DEPDC1: variants seen among roughly 807,000 people sequenced by gnomAD.
DEPDC1 encodes the protein DEP domain containing 1, also known as DEP domain-containing protein 1A.
DEPDC1 carries 66 observed loss-of-function variants against 86.8 expected under a neutral mutation model. The ratio of observed to expected loss-of-function variants is 0.76; its 90% CI spans 0.62 to 0.93. DEPDC1 has a LOEUF of 0.93. Ranked by LOEUF, DEPDC1 falls within the 40% of genes least tolerant of loss-of-function variation. The probability of loss-of-function intolerance (pLI) is 0.00; values close to 1 mark genes in which losing one functional copy is unlikely to be tolerated. For missense variants in DEPDC1, 792 were observed against 935.7 expected (o/e 0.85, Z 2.00); for synonymous variants, 255 against 314.9 (o/e 0.81, Z 2.02).
In DEPDC1 at chr1:68,496,578, C is replaced by T. The variant is rs76916552; in HGVS notation, c.48+374G>A. ...CCCTACAAAGCTTTGGACCTCATTCCCAATTGTTCCCTAATTCTGAGGCGG... is the reference window on the plus strand; with the variant it reads ...CCCTACAAAGCTTTGGACCTCATTCTCAATTGTTCCCTAATTCTGAGGCGG... On this transcript the variant is annotated intron_variant, in intron 1 of 11. Transcript: ENST00000456315. The surrounding 1 kb of genome is among the most constrained non-coding windows in gnomAD (Gnocchi z 4.0). The T allele has an allele frequency of 0.064, 14,128 of 220,724 alleles. 593 individuals carry two copies. Among genetic ancestry groups the T allele is most frequent in the African/African-American group, 0.13 (5,767 of 44,100 alleles). 13.7% of individuals were successfully genotyped at this position (220,724 alleles called of 1,614,324 possible).
Position 68,477,034 on chromosome 1 carries a change from T to A in DEPDC1, c.2334A>T (p.Arg778Ser). Reference protein sequence around the residue: ...QKEYPLIYQKRFPTTESEAAL... With the variant: ...QKEYPLIYQKSFPTTESEAAL... The stretch of plus-strand genomic sequence containing the variant: ...CTGCTTCACTCTCCGTGGTTGGAAA[T>A]CTTTTCTGATATATCAAAGGATATT... Residue 778 changes from arginine to serine, a missense_variant, in exon 12 of 12, where the codon AGA becomes AGT. Transcript: ENST00000456315. The A allele has an allele frequency of 6.2e-7, 1 of 1,608,414 alleles. No homozygotes were observed. The highest frequency in any genetic ancestry group is 8.5e-7 in the Non-Finnish European group (1 of 1,176,988).
At chr1:68,485,123 C>A (rs914617731) in intron 6 of DEPDC1, among the ~76,000 whole-genome samples, 5 of 151,068 alleles carry the variant, frequency 3.3e-5, no homozygotes, top group Non-Finnish European at 5.9e-5. Flanking sequence ...TATGGACACA[C>A]AAATGTGAGC....
chr1:68,481,906 C>A (rs752668319), intron 8 of DEPDC1, 140 bp downstream of exon 8: 6 of 883,738 alleles, frequency 6.8e-6, no homozygotes, highest in Non-Finnish European at 9.7e-6. Flanking sequence ...GGTTATGTCA[C>A]AGACAAAAGT....
Position 68,489,459 on chromosome 1 carries a change from A to C in DEPDC1, c.464T>G (p.Leu155Ter). ...RRTPKRHGLH[L>*]SQENGEKIKH... ...AGTAAAAGGATGTGTTACCTGAGATAAATGTAATCCATGCCTTTTAGGAGT... is the reference window on the plus strand; with the variant it reads ...AGTAAAAGGATGTGTTACCTGAGATCAATGTAATCCATGCCTTTTAGGAGT... The change falls in exon 3 of 12, where the codon TTA (leucine) becomes TGA (stop). Residue 155 changes from leucine (L) to a stop codon, truncating the protein, a stop_gained. Coordinates refer to ENST00000456315, the MANE Select transcript of DEPDC1 (RefSeq NM_001114120.3). LOFTEE classifies it high-confidence loss of function. 1 of 1,495,316 alleles carries C rather than the reference A, an allele frequency of 6.7e-7. No individual in the cohort carries two copies. The highest frequency in any genetic ancestry group is 2.6e-5 in the East Asian group (1 of 39,080). The allele number at this position is 1,495,316 out of a possible 1,614,324, so 92.6% of individuals were successfully genotyped here. A position where few individuals can be genotyped will look rare whatever the true frequency, so the allele number is the denominator to read the frequency against.
intron 2 of DEPDC1, among the ~76,000 whole-genome samples, chr1:68,491,717 T>C (rs958349654): frequency 3.9e-5 from 6 of 152,188 alleles, no homozygotes; most frequent in South Asian, 2.1e-4. Context: ...AATAAATGTA[T>C]ATAAACAATA....
rs962574042 is a variant in DEPDC1, at chr1:68,489,473, C to A, written c.450G>T (p.Arg150Ser). ...TTACCTGAGATAAATGTAATCCATGCCTTTTAGGAGTTCTACGAGATAAGT... is the reference window on the plus strand; with the variant it reads ...TTACCTGAGATAAATGTAATCCATGACTTTTAGGAGTTCTACGAGATAAGT... The part of the protein sequence containing the change: ...LRNLSRRTPK[R>S]HGLHLSQENG... Residue 150 changes from arginine to serine, a missense_variant, in exon 3 of 12, where the codon AGG (arginine) becomes AGT (serine). By Grantham distance (110) the Arg-to-Ser change is moderately radical (BLOSUM62 -1). Transcript: ENST00000456315. 6.0e-6 allele frequency: 9 copies of A among 1,512,052 alleles called. No homozygotes were observed. Among genetic ancestry groups the A allele is most frequent in the Admixed American group, 2.5e-5 (1 of 39,350 alleles). The allele number at this position is 1,512,052 out of a possible 1,614,324, so 93.7% of individuals were successfully genotyped here. A position where few individuals can be genotyped will look rare whatever the true frequency, so the allele number is the denominator to read the frequency against.
Position 68,496,433 on chromosome 1 carries a change from A to C in DEPDC1, c.48+519T>G, listed in dbSNP as rs1340945968. ...CAGCAGTGGTTACTGATGGGTACTCAGAAATACCGTTTTGAAACAGGCAGC... is the reference window on the plus strand; with the variant it reads ...CAGCAGTGGTTACTGATGGGTACTCCGAAATACCGTTTTGAAACAGGCAGC... On this transcript the variant is annotated intron_variant, in intron 1 of 11. Transcript: ENST00000456315. This position sits in a 1 kb window ranked among gnomAD's most constrained non-coding sequence, Gnocchi z 4.0. Among the ~76,000 whole-genome samples the C allele has an allele frequency of 1.3e-5, 2 of 152,234 alleles. No individual in the cohort carries two copies. Among genetic ancestry groups the C allele is most frequent in the East Asian group, 3.8e-4 (2 of 5,198 alleles).
chr1:68,489,594 G>T lies in DEPDC1; in HGVS notation c.329C>A (p.Ser110Ter), dbSNP rs758246471. The T allele has an allele frequency of 6.5e-7, 1 of 1,532,910 alleles. No individual in the cohort carries two copies. Among genetic ancestry groups the T allele is most frequent in the Non-Finnish European group, 8.7e-7 (1 of 1,151,424 alleles). The allele number at this position is 1,532,910 out of a possible 1,614,324, so 95.0% of individuals were successfully genotyped here. Residue 110 changes from serine (S) to a stop codon, truncating the protein, a stop_gained, in exon 3 of 12, where the codon TCG becomes TAG. Transcript: ENST00000456315. LOFTEE classifies it high-confidence loss of function. Reference protein sequence around the residue: ...NNQLFRFPATSPLKTLPRRYP... With the variant: ...NNQLFRFPAT Reference sequence around the variant, plus strand: ...CCTTCGTGGTAGAGTTTTAAGTGGCGAAGTTGCAGGAAATCTGGTTTAAAA... The same window carrying T: ...CCTTCGTGGTAGAGTTTTAAGTGGCTAAGTTGCAGGAAATCTGGTTTAAAA...
rs1263401544 is a variant in DEPDC1 at position 68,476,144 on chromosome 1, T to C, written c.*788A>G. Reference sequence around the variant, plus strand: ...GTATCTCCCTTGATTAAAAAATAAATACCTTATGGAAGAGATTATATGTTT... The same window carrying C: ...GTATCTCCCTTGATTAAAAAATAAACACCTTATGGAAGAGATTATATGTTT... On this transcript the variant is annotated 3_prime_UTR_variant, in exon 12 of 12. Transcript: ENST00000456315. 6.6e-6 allele frequency: 1 copy of C among 151,832 alleles called. No individual in the cohort carries two copies. Among genetic ancestry groups the C allele is most frequent in the Non-Finnish European group, 1.5e-5 (1 of 67,788 alleles). The allele number at this position is 151,832 out of a possible 1,614,324, so 9.4% of individuals were successfully genotyped here. A position where few individuals can be genotyped will look rare whatever the true frequency, so the allele number is the denominator to read the frequency against.
intron 2 of DEPDC1, 120 bp from the exon 3 acceptor site, chr1:68,489,728 A>G: frequency 1.6e-6 from 1 of 642,756 alleles, no homozygotes; most frequent in Non-Finnish European, 2.5e-6. Flanking sequence ...AGTAATAAAG[A>G]TTCTAGACAA....
intron 8 of DEPDC1, 146 bp downstream of exon 8, chr1:68,481,900 A>ATT: frequency 1.2e-6 from 1 of 819,842 alleles, no homozygotes; most frequent in East Asian, 2.9e-5. Flanking sequence ...AATCTTGGTT[A>ATT]TGTCACAGAC....
At chr1:68,494,328 T>C (rs1646248865) in intron 2 of DEPDC1, 102 bp downstream of exon 2, 9 of 1,116,698 alleles carry the variant, frequency 8.1e-6, no homozygotes, top group Admixed American at 3.0e-5. Flanking sequence ...TCCAAAGAAA[T>C]AAAACTTCTT....
Position 68,497,082 on chromosome 1 carries a change from C to G in DEPDC1, c.-83G>C. 1 of 1,485,122 alleles carries G rather than the reference C, an allele frequency of 6.7e-7. No individual in the cohort carries two copies. The highest frequency in any genetic ancestry group is 1.2e-5 in the South Asian group (1 of 86,950). 92.0% of individuals were successfully genotyped at this position (1,485,122 alleles called of 1,614,324 possible). ...GCCGCGGCAGTGGCGAGTCTCGGCA[C>G]AACCGTTGGCCCCGCCGCCGATTTG... On this transcript the variant is annotated 5_prime_UTR_variant, in exon 1 of 12. Transcript: ENST00000456315.
Position 68,489,505 on chromosome 1 carries a change from A to AT in DEPDC1, c.417dup (p.Leu140IlefsTer7). 1 of 1,540,876 alleles carries AT rather than the reference A, an allele frequency of 6.5e-7. No individual in the cohort carries two copies. On this transcript the variant is annotated frameshift_variant, in exon 3 of 12. Transcript: ENST00000456315. LOFTEE classifies it high-confidence loss of function. ...GGAGTTCTACGAGATAAGTTTCGTAATTTAAAAATGCTATCTTTATCTTTG... is the reference window on the plus strand; with the variant it reads ...GGAGTTCTACGAGATAAGTTTCGTAATTTTAAAAATGCTATCTTTATCTTTG...
chr1:68,482,773 A>T lies in DEPDC1; in HGVS notation c.1035T>A (p.Leu345=). The T allele has an allele frequency of 6.2e-7, 1 of 1,612,734 alleles. No individual in the cohort carries two copies. Among genetic ancestry groups the T allele is most frequent in the Non-Finnish European group, 8.5e-7 (1 of 1,179,258 alleles). Residue 345 remains leucine, a synonymous_variant, in exon 8 of 12, where the codon CTT becomes CTA. Coordinates refer to ENST00000456315, the MANE Select transcript of DEPDC1 (RefSeq NM_001114120.3). ...NLNSFKSTEC[L]LLSLLHREKN... Reference sequence around the variant, plus strand: ...TTTCTCTATGAAGCAGACTGAGAAGAAGGCACTCAGTTGATTTGAAGGAAT... The same window carrying T: ...TTTCTCTATGAAGCAGACTGAGAAGTAGGCACTCAGTTGATTTGAAGGAAT...
At chr1:68,479,818 A>G (rs564649083) in intron 9 of DEPDC1, among the ~76,000 whole-genome samples, 1 of 152,024 alleles carries the variant, frequency 6.6e-6, no homozygotes, top group African/African-American at 2.4e-5. Context: ...AAAAAAAAAA[A>G]AAAAGTATAT....
intron 9 of DEPDC1, among the ~76,000 whole-genome samples, chr1:68,479,819 A>G (rs1467429036): frequency 1.3e-5 from 2 of 151,912 alleles, no homozygotes; most frequent in Non-Finnish European, 2.9e-5. Context: ...AAAAAAAAAA[A>G]AAAGTATATC....
At chr1:68,481,033 A>C (rs565816207) in intron 9 of DEPDC1, among the ~76,000 whole-genome samples, 3 of 152,126 alleles carry the variant, frequency 2.0e-5, no homozygotes, top group Admixed American at 1.3e-4. Context: ...ATATTCTCTG[A>C]AACACTGACT....
chr1:68,479,141 T>TA lies in DEPDC1; in HGVS notation c.2112+2dup, dbSNP rs1370531111. The TA allele has an allele frequency of 6.2e-7, 1 of 1,605,188 alleles. No homozygotes were observed. The highest frequency in any genetic ancestry group is 1.7e-5 in the Admixed American group (1 of 58,756). On this transcript the variant is annotated splice_region_variant and intron_variant, in intron 10 of 11. Coordinates refer to ENST00000456315, the MANE Select transcript of DEPDC1 (RefSeq NM_001114120.3). Reference sequence around the variant, plus strand: ...AGAGAATTTTAAGACTCACAATACTTACATGTCCCTTTTTTAAGTAGTCAA... The same window carrying TA: ...AGAGAATTTTAAGACTCACAATACTTAACATGTCCCTTTTTTAAGTAGTCAA...
Sources: allele counts gnomAD v4.1 joint callset (sites outside exome capture counted in the v4.1 genomes callset), GRCh38; gene constraint gnomAD v4.1.1; non-coding constraint Gnocchi (gnomAD v3.1); transcripts MANE v1.5; gene names NCBI Gene and HGNC (gene_info 2026-07-23, HGNC 2026-07-21).